The following MCM8 variants were observed in gnomAD, a reference collection of about 807,000 sequenced individuals.
The protein encoded by MCM8 is minichromosome maintenance 8 homologous recombination repair factor, also known as DNA helicase MCM8.
In MCM8, 85 loss-of-function variants were observed where a neutral mutation model predicts 98.9. The observed-to-expected ratio is 0.86, with a 90% CI of 0.72 to 1.03. MCM8 has a LOEUF of 1.03. Among genes scored for constraint, MCM8 ranks in the 50% least tolerant of loss-of-function variants. MCM8 has a pLI of 0.00. For synonymous variants in MCM8, 352 were observed against 338.6 expected, an observed-to-expected ratio of 1.04 and a Z score of -0.44; for missense variants, 951 against 997.8, an observed-to-expected ratio of 0.95 and a Z score of 0.63.
chr20:5,952,050 G>A lies in MCM8; in HGVS notation c.35G>A (p.Arg12Gln), dbSNP rs749239849. The A allele has an allele frequency of 1.7e-5, 27 of 1,614,034 alleles. No homozygotes were observed. Among genetic ancestry groups the A allele is most frequent in the South Asian group, 1.2e-4 (11 of 91,080 alleles). The change falls in exon 2 of 19, where the codon CGA (arginine) becomes CAA (glutamine). Residue 12 changes from arginine (R) to glutamine (Q), a missense_variant. By Grantham distance (43) the Arg-to-Gln change is conservative (BLOSUM62 1). Transcript: ENST00000610722. ...GAGTATAGAGGCAGAGGATTTGGAC[G>A]AGGAAGATTTCAAAGCTGGAAAAGG... ...NGEYRGRGFG[R>Q]GRFQSWKRGR... is the part of the protein sequence containing the mutation.
At chr20:5,976,401 G>A (rs1471200656) in intron 12 of MCM8, among the ~76,000 whole-genome samples, 1 of 152,108 alleles carries the variant, frequency 6.6e-6, no homozygotes, top group Admixed American at 6.5e-5. Flanking sequence ...ATTAGCCAGC[G>A]ACCCAGAGAC....
At chr20:5,970,367 A>G (rs1368414727) in intron 10 of MCM8, among the ~76,000 whole-genome samples, 4 of 152,220 alleles carry the variant, frequency 2.6e-5, no homozygotes, top group African/African-American at 9.6e-5. Context: ...AGTTACTGGT[A>G]GGGAAATGAT....
At chr20:5,988,589 T>C (rs951046310) in intron 17 of MCM8, among the ~76,000 whole-genome samples, 6 of 152,202 alleles carry the variant, frequency 3.9e-5, no homozygotes, top group Admixed American at 2.0e-4. Context: ...ATATTCTTTT[T>C]TCCCCTTTGT....
At chr20:5,959,501 T>A (rs1006049056) in intron 7 of MCM8, among the ~76,000 whole-genome samples, 1 of 152,158 alleles carries the variant, frequency 6.6e-6, no homozygotes, top group Non-Finnish European at 1.5e-5. Context: ...TCTACCTATT[T>A]TAATACATAT....
chr20:5,993,793 C>T (rs2089901577), intron 18 of MCM8, 98 bp downstream of exon 18: 1 of 975,726 alleles, frequency 1.0e-6, no homozygotes, highest in Non-Finnish European at 1.5e-6. Context: ...AAAATTCATA[C>T]CTGCTTCTTC....
rs774085479 is a variant in MCM8 at position 5,952,065 on chromosome 20, G to A, written c.50G>A (p.Ser17Asn). The change falls in exon 2 of 19, where the codon AGC (serine) becomes AAC (asparagine). Residue 17 changes from serine to asparagine, a missense_variant. Physicochemically the swap from Ser to Asn is conservative, Grantham distance 46. Coordinates refer to ENST00000610722, the MANE Select transcript of MCM8 (RefSeq NM_032485.6). ...GGATTTGGACGAGGAAGATTTCAAA[G>A]CTGGAAAAGGGGAAGAGGTGGTGGG... ...GRGFGRGRFQ[S>N]WKRGRGGGNF... is the part of the protein sequence containing the mutation. 11 of 1,614,110 alleles carry A rather than the reference G, an allele frequency of 6.8e-6. No homozygotes were observed. The highest frequency in any genetic ancestry group is 9.3e-6 in the Non-Finnish European group (11 of 1,180,000).
In MCM8 at chr20:5,963,279, T is replaced by C. The variant is rs550252935; in HGVS notation, c.795T>C (p.Pro265=). The change falls in exon 8 of 19, where the codon CCT becomes CCC. Residue 265 remains proline (P), a synonymous_variant. Coordinates refer to ENST00000610722, the MANE Select transcript of MCM8 (RefSeq NM_032485.6). ...DGKYSLPTKC[P]VPVCRGRSFT... ...ATTACTTTTGTTTCATTCAGTGTCC[T>C]GTGCCTGTGTGTCGAGGCAGGTCAT... 54 of 1,612,522 alleles carry C rather than the reference T, an allele frequency of 3.3e-5. No homozygotes were observed. The South Asian group carries it at 5.3e-4, about 16-fold the overall frequency.
chr20:5,993,970 G>T (rs980340740), intron 18 of MCM8: 4 of 344,890 alleles, frequency 1.2e-5, no homozygotes, highest in Middle Eastern at 7.8e-4. Context: ...CAAAGTTCTC[G>T]TGAAAATCAA....
At position 5,993,601 on chromosome 20, in the gene MCM8, T is replaced by G. The variant is rs776587552; in HGVS notation, c.2336T>G (p.Phe779Cys). 2 of 1,612,512 alleles carry G rather than the reference T, an allele frequency of 1.2e-6. No homozygotes were observed. Among genetic ancestry groups the G allele is most frequent in the East Asian group, 2.2e-5 (1 of 44,888 alleles). ...AGCAACAGGTCAACAGCGAAAAGAT[T>G]TATTTCTGCTCTCAACAACGTTGCT... ...GMSNRSTAKR[F>C]ISALNNVAER... The change falls in exon 18 of 19, where the codon TTT becomes TGT. Residue 779 changes from phenylalanine to cysteine, a missense_variant. Phe to Cys is a radical substitution (Grantham distance 205). Coordinates refer to ENST00000610722, the MANE Select transcript of MCM8 (RefSeq NM_032485.6).
rs2089306261 is a variant in MCM8 at position 5,967,720 on chromosome 20, T to TA, written c.1028-103dup. The TA allele has an allele frequency of 1.7e-5, 23 of 1,362,848 alleles. 1 individual carries two copies. The highest frequency in any genetic ancestry group is 2.3e-5 in the East Asian group (1 of 42,684). The allele number at this position is 1,362,848 out of a possible 1,614,324, so 84.4% of individuals were successfully genotyped here. ...TTACATAAGATGAAACATTCCCTTTTAAAAAAACATGTATTTGTAGCTCCC... is the reference window on the plus strand; with the variant it reads ...TTACATAAGATGAAACATTCCCTTTTAAAAAAAACATGTATTTGTAGCTCCC... On this transcript the variant is annotated intron_variant, in intron 9 of 18. Transcript: ENST00000610722.
intron 17 of MCM8, among the ~76,000 whole-genome samples, chr20:5,988,689 A>G (rs991279093): frequency 1.3e-5 from 2 of 152,180 alleles, no homozygotes; most frequent in Non-Finnish European, 2.9e-5. Context: ...TCTGATAGCA[A>G]TGAAAATACA....
At chr20:5,976,886 A>G (rs1187606162) in intron 12 of MCM8, among the ~76,000 whole-genome samples, 2 of 152,182 alleles carry the variant, frequency 1.3e-5, no homozygotes, top group African/African-American at 4.8e-5. Context: ...CAGGAGTTCA[A>G]GGTTGCTGTG....
intron 8 of MCM8, 87 bp downstream of exon 8, chr20:5,963,446 G>A (rs1435994843): frequency 6.4e-6 from 6 of 934,130 alleles, no homozygotes; most frequent in East Asian, 2.5e-5. Context: ...TATATTGTAC[G>A]TTTTATCTAA....
chr20:5,967,687 C>T (rs2089305668), intron 9 of MCM8, 100 bp downstream of exon 9: 2 of 1,419,212 alleles, frequency 1.4e-6, no homozygotes, highest in African/African-American at 1.4e-5. Context: ...TGAGGAATTT[C>T]TTGTTGCTTA....
chr20:5,976,920 C>G (rs1424788516), intron 12 of MCM8, among the ~76,000 whole-genome samples: 3 of 152,022 alleles, frequency 2.0e-5, no homozygotes, highest in Admixed American at 1.3e-4. Context: ...CCACTGCACT[C>G]CAGCCTGGAC....
intron 13 of MCM8, among the ~76,000 whole-genome samples, chr20:5,978,546 T>C (rs748353484): frequency 6.6e-6 from 1 of 152,180 alleles, no homozygotes; most frequent in Non-Finnish European, 1.5e-5. Context: ...CAATAGGAGA[T>C]TACAGGTGTT....
rs182377321 is a variant in MCM8 at position 5,974,261 on chromosome 20, G to A, written c.1395+1065G>A. ...TTCTTCCAACTCAGCCTCTCAAGTAGCTGGGACTATAGACATGTGCCACCA... is the reference window on the plus strand; with the variant it reads ...TTCTTCCAACTCAGCCTCTCAAGTAACTGGGACTATAGACATGTGCCACCA... On this transcript the variant is annotated intron_variant, in intron 12 of 18. Transcript: ENST00000610722. Among the ~76,000 whole-genome samples, 27 of 152,248 alleles carry A rather than the reference G, an allele frequency of 1.8e-4. 1 individual carries two copies. In the East Asian group the frequency reaches 5.2e-3, roughly 29 times the overall value.
chr20:5,971,967 A>G (rs774406704), intron 10 of MCM8, 40 bp from the exon 11 acceptor site: 1 of 1,567,346 alleles, frequency 6.4e-7, no homozygotes, highest in South Asian at 1.1e-5. Flanking sequence ...GGATCAATGA[A>G]GTATAAATTA....
chr20:5,987,024 A>G (rs529414120), intron 16 of MCM8, among the ~76,000 whole-genome samples: 4 of 152,170 alleles, frequency 2.6e-5, no homozygotes, highest in African/African-American at 9.6e-5. Context: ...ACAGGTCCTC[A>G]CTTTGTTGCT....
Sources: gnomAD v4.1 joint callset for allele counts (sites outside exome capture counted in the v4.1 genomes callset) on GRCh38, gnomAD v4.1.1 for gene constraint, MANE v1.5 for transcripts, NCBI Gene and HGNC (gene_info 2026-07-23, HGNC 2026-07-21) for gene names.